The following IGFN1 variants were observed in gnomAD, a reference collection of about 807,000 sequenced individuals.
The protein encoded by IGFN1 is immunoglobulin-like and fibronectin type III domain-containing protein 1.
Under a neutral mutation model 289.5 loss-of-function variants are expected in IGFN1, and 253 were observed. The observed-to-expected ratio is 0.87, with a 90% CI of 0.79 to 0.97. IGFN1 has a LOEUF of 0.97. Ranked by LOEUF, IGFN1 falls within the 50% of genes least tolerant of loss-of-function variation. The probability of loss-of-function intolerance (pLI) is 0.00; values close to 1 mark genes in which losing one functional copy is unlikely to be tolerated. For missense variants in IGFN1, 4,470 were observed against 4,686.1 expected (o/e 0.95, Z 1.35); for synonymous variants, 1,706 against 1,788.5 (o/e 0.95, Z 1.16).
At chr1:201,223,516 G>GCC (rs1223543130) in intron 20 of IGFN1, among the ~76,000 whole-genome samples, 1 of 152,034 alleles carries the variant, frequency 6.6e-6, no homozygotes, top group East Asian at 1.9e-4. Context: ...GATTACAGGC[G>GCC]CATGCCATCA....
At position 201,194,161 on chromosome 1, in the gene IGFN1, C is replaced by T; in HGVS notation, c.15C>T (p.Leu5=). MAGK[L]RKSHIPGVSI... is the part of the protein sequence containing the mutation. Reference sequence around the variant, plus strand: ...CCCTCCTGCATTCTCCAGGAAAGCTCCGGAAGTCCCACATCCCTGGAGTGA... The same window carrying T: ...CCCTCCTGCATTCTCCAGGAAAGCTTCGGAAGTCCCACATCCCTGGAGTGA... Residue 5 remains leucine, a synonymous_variant, in exon 3 of 24, where the codon CTC becomes CTT. Coordinates refer to ENST00000335211, the MANE Select transcript of IGFN1 (RefSeq NM_001164586.2). The T allele has an allele frequency of 6.4e-7, 1 of 1,551,508 alleles. No homozygotes were observed. Among genetic ancestry groups the T allele is most frequent in the African/African-American group, 1.4e-5 (1 of 73,162 alleles).
At chr1:201,218,508 C>T (rs751052845) in intron 17 of IGFN1, 22 bp from the exon 18 acceptor site, 7 of 1,606,432 alleles carry the variant, frequency 4.4e-6, no homozygotes, top group Non-Finnish European at 8.5e-7. Context: ...GGGTGGGACT[C>T]ACATGGGCGG....
chr1:201,204,190 A>G (rs1433389604), intron 10 of IGFN1, among the ~76,000 whole-genome samples: 1 of 152,220 alleles, frequency 6.6e-6, no homozygotes, highest in Admixed American at 6.5e-5. Context: ...CTAGCCATCA[A>G]TTATTTTCAG....
intron 1 of IGFN1, among the ~76,000 whole-genome samples, chr1:201,192,920 T>G (rs903687879): frequency 6.6e-6 from 1 of 152,126 alleles, no homozygotes; most frequent in African/African-American, 2.4e-5. Flanking sequence ...GTGTCTCATG[T>G]TCTGGGCAGG....
At chr1:201,199,121 G>C (rs563790989) in intron 5 of IGFN1, among the ~76,000 whole-genome samples, 1 of 152,266 alleles carries the variant, frequency 6.6e-6, no homozygotes, top group African/African-American at 2.4e-5. Flanking sequence ...TGGTCCCCTT[G>C]GTCATGGTAA....
At position 201,216,862 on chromosome 1, in the gene IGFN1, C is replaced by T. The variant is rs894940178; in HGVS notation, c.9595+109C>T. 3.4e-5 allele frequency: 30 copies of T among 886,902 alleles called. No homozygotes were observed. The East Asian group carries it at 7.3e-4, about 22-fold the overall frequency. 54.9% of individuals were successfully genotyped at this position (886,902 alleles called of 1,614,324 possible). A position where few individuals can be genotyped will look rare whatever the true frequency, so the allele number is the denominator to read the frequency against. ...GAGTGACACCAGCCTGTGCTCGGGG[C>T]TTCGGAGGCCCTTCTGTAGCACTCT... On this transcript the variant is annotated intron_variant, in intron 16 of 23. Coordinates refer to ENST00000335211, the MANE Select transcript of IGFN1 (RefSeq NM_001164586.2).
In IGFN1 at chr1:201,208,174, C is replaced by T. The variant is rs1431444322; in HGVS notation, c.3281C>T (p.Pro1094Leu). 6.5e-7 allele frequency: 1 copy of T among 1,536,934 alleles called. No individual in the cohort carries two copies. The highest frequency in any genetic ancestry group is 1.4e-5 in the African/African-American group (1 of 73,096). ...GCGGGTAGAGGTGGTCTCAAGGCCCCTGGAGTAGTGGAGACTGTTGGGATG... is the reference window on the plus strand; with the variant it reads ...GCGGGTAGAGGTGGTCTCAAGGCCCTTGGAGTAGTGGAGACTGTTGGGATG... The part of the protein sequence containing the change: ...GSAGRGGLKA[P>L]GVVETVGMGC... The change falls in exon 12 of 24, where the codon CCT becomes CTT. Residue 1094 changes from proline to leucine, a missense_variant. Pro to Leu is a moderately conservative substitution (Grantham distance 98, BLOSUM62 -3). Around this residue, in one of 8 missense-constraint regions of IGFN1, gnomAD observed 2,011 missense variants for 1,953.4 expected, o/e 1.03. Coordinates refer to ENST00000335211, the MANE Select transcript of IGFN1 (RefSeq NM_001164586.2).
rs1455871801 is a variant in IGFN1, at chr1:201,208,623, A to G, written c.3730A>G (p.Thr1244Ala). The G allele has an allele frequency of 6.6e-7, 1 of 1,525,154 alleles. No homozygotes were observed. Among genetic ancestry groups the G allele is most frequent in the South Asian group, 1.2e-5 (1 of 81,648 alleles). 94.5% of individuals were successfully genotyped at this position (1,525,154 alleles called of 1,614,324 possible). A position where few individuals can be genotyped will look rare whatever the true frequency, so the allele number is the denominator to read the frequency against. Residue 1244 changes from threonine (T) to alanine (A), a missense_variant, in exon 12 of 24, where the codon ACA becomes GCA. Coordinates refer to ENST00000335211, the MANE Select transcript of IGFN1 (RefSeq NM_001164586.2). ...GTCAAGGGGCCTTGGGCCTAGGAGT[A>G]CAGGGCCAGGGGGTGAGGCAGGCTT... ...ERSRGLGPRSTGPGGEAGFRD... is the reference protein window; with the variant it reads ...ERSRGLGPRSAGPGGEAGFRD...
chr1:201,197,624 C>T lies in IGFN1; in HGVS notation c.367+307C>T, dbSNP rs76919804. Among the ~76,000 whole-genome samples, 323 of 152,324 alleles carry T rather than the reference C, an allele frequency of 2.1e-3. 7 individuals carry two copies. In the East Asian group the frequency reaches 0.053, roughly 25 times the overall value. ...TTCTGCTAACTCATTCAATGGGCTT[C>T]GTTTTCCTCTCTGGGTCTCAGTTTC... On this transcript the variant is annotated intron_variant, in intron 5 of 23. Coordinates refer to ENST00000335211, the MANE Select transcript of IGFN1 (RefSeq NM_001164586.2).
rs763484618 is a variant in IGFN1 at position 201,199,392 on chromosome 1, T to C, written c.412+14T>C. 1.1e-5 allele frequency: 17 copies of C among 1,551,458 alleles called. No individual in the cohort carries two copies. Among genetic ancestry groups the C allele is most frequent in the African/African-American group, 5.5e-5 (4 of 73,022 alleles). ...AACCGCAGGAAGGTAGGCAGATTTG[T>C]CAGAAACCTCCTTGGGGGCCTGTGG... On this transcript the variant is annotated intron_variant, in intron 6 of 23. Coordinates refer to ENST00000335211, the MANE Select transcript of IGFN1 (RefSeq NM_001164586.2).
At position 201,193,415 on chromosome 1, in the gene IGFN1, GT is replaced by G. The variant is rs544250285; in HGVS notation, c.7+123del. The stretch of plus-strand genomic sequence containing the variant: ...CTGGGAACTTGCCCATCTTGTTGTT[GT>G]TTTTTTTCTCCTTATTTTATTTTAT... On this transcript the variant is annotated intron_variant, in intron 2 of 23. Transcript: ENST00000335211. 370 of 703,354 alleles carry G rather than the reference GT, an allele frequency of 5.3e-4. No individual in the cohort carries two copies. In the East Asian group the frequency reaches 9.3e-3, roughly 18 times the overall value. 43.6% of individuals were successfully genotyped at this position (703,354 alleles called of 1,614,324 possible). A position where few individuals can be genotyped will look rare whatever the true frequency, so the allele number is the denominator to read the frequency against.
At chr1:201,219,767 C>G (rs1653593053) in intron 18 of IGFN1, among the ~76,000 whole-genome samples, 1 of 152,188 alleles carries the variant, frequency 6.6e-6, no homozygotes, top group Admixed American at 6.5e-5. Context: ...CCGAAACATT[C>G]TGTACATTTC....
chr1:201,228,290 A>G lies in IGFN1; in HGVS notation c.11114-96A>G. 3.3e-6 allele frequency: 4 copies of G among 1,221,726 alleles called. No individual in the cohort carries two copies. The Admixed American group carries it at 6.7e-5, about 21-fold the overall frequency. 75.7% of individuals were successfully genotyped at this position (1,221,726 alleles called of 1,614,324 possible). ...CACACCCCCTGATGGCAGAGCCTGT[A>G]GTCTAAGCCCCATTCTGAGTTTTCT... On this transcript the variant is annotated intron_variant, in intron 23 of 23. Transcript: ENST00000335211.
Position 201,210,956 on chromosome 1 carries a change from G to A in IGFN1, c.6063G>A (p.Gly2021=), listed in dbSNP as rs61396495. The change falls in exon 12 of 24, where the codon GGG becomes GGA. Residue 2021 remains glycine (G), a synonymous_variant. Transcript: ENST00000335211. ...GSKAGFRDGL[G]GSEEMRSMDE... Reference sequence around the variant, plus strand: ...AGGCAGGTTTCAGGGATGGTTTAGGGGGTTCTGAAGAAATGCGGTCAATGG... The same window carrying A: ...AGGCAGGTTTCAGGGATGGTTTAGGAGGTTCTGAAGAAATGCGGTCAATGG... The A allele has an allele frequency of 3.2e-5, 40 of 1,239,562 alleles. 1 individual carries two copies. The South Asian group carries it at 4.3e-4, about 13-fold the overall frequency. 76.8% of individuals were successfully genotyped at this position (1,239,562 alleles called of 1,614,324 possible).
chr1:201,201,614 T>C, intron 8 of IGFN1, 105 bp from the exon 9 acceptor site: 4 of 638,038 alleles, frequency 6.3e-6, no homozygotes, highest in Non-Finnish European at 1.1e-5. Flanking sequence ...CATGCTCATC[T>C]GGAACGCTGT....
In IGFN1 at chr1:201,228,591, A is replaced by C. The variant is rs1191845684; in HGVS notation, c.*192A>C. On this transcript the variant is annotated 3_prime_UTR_variant, in exon 24 of 24. Transcript: ENST00000335211. ...GGGAAGAAAAACAAGGGAGGAGGGC[A>C]TTCCACCTCCTGGCTCCAAGCTAAG... The C allele has an allele frequency of 1.6e-6, 1 of 641,030 alleles. No individual in the cohort carries two copies. Among genetic ancestry groups the C allele is most frequent in the African/African-American group, 1.8e-5 (1 of 54,934 alleles). The allele number at this position is 641,030 out of a possible 1,614,324, so 39.7% of individuals were successfully genotyped here. A position where few individuals can be genotyped will look rare whatever the true frequency, so the allele number is the denominator to read the frequency against.
In IGFN1 at chr1:201,228,515, G is replaced by A; in HGVS notation, c.*116G>A. The A allele has an allele frequency of 2.6e-6, 3 of 1,149,184 alleles. No homozygotes were observed. Among genetic ancestry groups the A allele is most frequent in the Non-Finnish European group, 4.0e-6 (3 of 758,788 alleles). 71.2% of individuals were successfully genotyped at this position (1,149,184 alleles called of 1,614,324 possible). A position where few individuals can be genotyped will look rare whatever the true frequency, so the allele number is the denominator to read the frequency against. ...TGTGCCCAGAGCCCCAGGAAAATGG[G>A]AGTGAGAAGATGCCTGGCGAGGTTT... On this transcript the variant is annotated 3_prime_UTR_variant, in exon 24 of 24. Transcript: ENST00000335211.
chr1:201,206,177 C>A lies in IGFN1; in HGVS notation c.1284C>A (p.Ile428=). ...QASGAEESGS[I]ESQGEKSREQ... Reference sequence around the variant, plus strand: ...CAGGAGCAGAAGAGTCTGGGAGCATCGAGAGCCAGGGAGAGAAATCCAGAG... The same window carrying A: ...CAGGAGCAGAAGAGTCTGGGAGCATAGAGAGCCAGGGAGAGAAATCCAGAG... Residue 428 remains isoleucine (I), a synonymous_variant, in exon 12 of 24, where the codon ATC becomes ATA. Coordinates refer to ENST00000335211, the MANE Select transcript of IGFN1 (RefSeq NM_001164586.2). The A allele has an allele frequency of 4.5e-6, 7 of 1,550,464 alleles. No individual in the cohort carries two copies. The highest frequency in any genetic ancestry group is 6.1e-6 in the Non-Finnish European group (7 of 1,146,790).
intron 20 of IGFN1, among the ~76,000 whole-genome samples, chr1:201,224,092 G>C (rs1040831147): frequency 6.6e-6 from 1 of 152,202 alleles, no homozygotes; most frequent in African/African-American, 2.4e-5. Context: ...TGCCCACCGT[G>C]CCCTGTACTG....
Sources: allele counts gnomAD v4.1 joint callset (sites outside exome capture counted in the v4.1 genomes callset), GRCh38; gene constraint gnomAD v4.1.1; regional missense constraint gnomAD v4.1.1; transcripts MANE v1.5; gene names NCBI Gene and HGNC (gene_info 2026-07-23, HGNC 2026-07-21).